RAD54B: variants seen among roughly 807,000 people sequenced by gnomAD.
RAD54B encodes RAD54 homolog B.
Under a neutral mutation model 95.8 loss-of-function variants are expected in RAD54B, and 78 were observed. The observed-to-expected ratio is 0.81, with a 90% CI of 0.68 to 0.98. RAD54B has a LOEUF of 0.98. Ranked by LOEUF, RAD54B falls within the 50% of genes least tolerant of loss-of-function variation. RAD54B has a pLI of 0.00. For synonymous variants in RAD54B, 328 were observed against 354.9 expected (o/e 0.92, Z 0.85); for missense variants, 957 against 1,056.6 (o/e 0.91, Z 1.31).
chr8:94,399,538 A>G lies in RAD54B; in HGVS notation c.1254T>C (p.Asp418=). 3 of 1,613,296 alleles carry G rather than the reference A, an allele frequency of 1.9e-6. No individual in the cohort carries two copies. Among genetic ancestry groups the G allele is most frequent in the Non-Finnish European group, 2.5e-6 (3 of 1,179,536 alleles). The change falls in exon 8 of 15, where the codon GAT becomes GAC. Residue 418 remains aspartate (D), a synonymous_variant. Coordinates refer to ENST00000336148, the MANE Select transcript of RAD54B (RefSeq NM_012415.3). The part of the protein sequence containing the change: ...ISYEMLLRSL[D]QIKNIKFDLL... ...GATCAAATTTTATATTCTTAATTTG[A>G]TCCAGGGAACGAAGTAACATTTCAT...
In RAD54B at chr8:94,378,563, G is replaced by C. The variant is rs759679204; in HGVS notation, c.2314+5C>G. On this transcript the variant is annotated splice_donor_5th_base_variant and intron_variant, in intron 13 of 14. Coordinates refer to ENST00000336148, the MANE Select transcript of RAD54B (RefSeq NM_012415.3). ...TACATTTTTGTCACACTGAAGGGTT[G>C]TTACCTGTAGTTAGGAGTCTGTAAA... 12 of 1,598,074 alleles carry C rather than the reference G, an allele frequency of 7.5e-6. No homozygotes were observed. The East Asian group carries it at 2.7e-4, about 36-fold the overall frequency.
At chr8:94,426,501 C>T (rs1563652183) in intron 3 of RAD54B, among the ~76,000 whole-genome samples, 1 of 151,954 alleles carries the variant, frequency 6.6e-6, no homozygotes, top group Non-Finnish European at 1.5e-5. Flanking sequence ...TATATTTATG[C>T]AATGGAATAC....
At chr8:94,381,841 C>T (rs926063958) in intron 11 of RAD54B, among the ~76,000 whole-genome samples, 3 of 152,048 alleles carry the variant, frequency 2.0e-5, no homozygotes, top group African/African-American at 7.2e-5. Flanking sequence ...AGGCCGGGCG[C>T]GGTGGCTCAA....
At chr8:94,473,106 T>C (rs1296258895) in intron 1 of RAD54B, among the ~76,000 whole-genome samples, 3 of 152,222 alleles carry the variant, frequency 2.0e-5, no homozygotes, top group African/African-American at 4.8e-5. Flanking sequence ...TGCACCCTTA[T>C]AGCTTTTTAA....
At chr8:94,450,580 G>A (rs1264859355) in intron 3 of RAD54B, among the ~76,000 whole-genome samples, 1 of 152,120 alleles carries the variant, frequency 6.6e-6, no homozygotes, top group African/African-American at 2.4e-5. Flanking sequence ...ATTCAAATAA[G>A]CACTTTTAAT....
At chr8:94,417,007 T>A (rs1811689161) in intron 3 of RAD54B, among the ~76,000 whole-genome samples, 1 of 152,172 alleles carries the variant, frequency 6.6e-6, no homozygotes, top group Non-Finnish European at 1.5e-5. Flanking sequence ...TGACAAAGGA[T>A]AAACAAAATG....
intron 3 of RAD54B, among the ~76,000 whole-genome samples, chr8:94,422,657 A>T: frequency 8.9e-6 from 1 of 112,724 alleles, no homozygotes; most frequent in South Asian, 3.1e-4. Context: ...TATATATAAA[A>T]TTATCAGTGT....
At chr8:94,384,760 T>G (rs374770307) in intron 11 of RAD54B, among the ~76,000 whole-genome samples, 3 of 152,184 alleles carry the variant, frequency 2.0e-5, no homozygotes, top group Non-Finnish European at 4.4e-5. Context: ...GTGCCACTTA[T>G]GAAAGTGTAG....
chr8:94,420,251 ATT>A lies in RAD54B; in HGVS notation c.305-8938_305-8937del, dbSNP rs57897762. Among the ~76,000 whole-genome samples, 471 of 116,976 alleles carry A rather than the reference ATT, an allele frequency of 4.0e-3. 1 individual carries two copies. Among genetic ancestry groups the A allele is most frequent in the African/African-American group, 0.013 (407 of 30,936 alleles). The allele number at this position is 116,976 out of a possible 152,430, so 76.7% of individuals were successfully genotyped here. On this transcript the variant is annotated intron_variant, in intron 3 of 14. Coordinates refer to ENST00000336148, the MANE Select transcript of RAD54B (RefSeq NM_012415.3). ...TAGTAAAAGCGCCAAAGAAAACTTG[ATT>A]TTTTTTTTTTTTTTTTTTTTTTAAG...
intron 2 of RAD54B, among the ~76,000 whole-genome samples, 174 bp from the exon 3 acceptor site, chr8:94,458,610 T>C (rs960739763): frequency 1.3e-5 from 2 of 152,236 alleles, no homozygotes; most frequent in Non-Finnish European, 2.9e-5. Context: ...CTCATGCCTG[T>C]AATCCCAACA....
intron 3 of RAD54B, among the ~76,000 whole-genome samples, chr8:94,449,383 G>A (rs60523486): frequency 0.075 from 11,463 of 151,974 alleles, 749 homozygotes; most frequent in African/African-American, 0.15. Context: ...AGAGACGGAC[G>A]GACCACATGA....
chr8:94,422,472 G>A (rs1045668727), intron 3 of RAD54B, among the ~76,000 whole-genome samples: 26 of 148,538 alleles, frequency 1.8e-4, no homozygotes, highest in Non-Finnish European at 3.4e-4. Flanking sequence ...CTGTAGTGCC[G>A]GCTACTTGGG....
rs35235038 is a variant in RAD54B, at chr8:94,399,499, G to A, written c.1293C>T (p.Asp431=). The A allele has an allele frequency of 3.4e-4, 541 of 1,613,468 alleles. 1 individual carries two copies. Among genetic ancestry groups the A allele is most frequent in the African/African-American group, 1.3e-3 (97 of 74,978 alleles). The change falls in exon 8 of 15, where the codon GAC becomes GAT. Residue 431 remains aspartate, a synonymous_variant. Transcript: ENST00000336148. ...CACTGTTCTTCAAACGATGCCCCTC[G>A]TCACAGATTAGAAGATCAAATTTTA... The part of the protein sequence containing the change: ...KNIKFDLLIC[D]EGHRLKNSAI...
At chr8:94,474,677 G>A (rs1267562996) in intron 1 of RAD54B, among the ~76,000 whole-genome samples, 1 of 151,778 alleles carries the variant, frequency 6.6e-6, no homozygotes, top group African/African-American at 2.4e-5. Flanking sequence ...GAGTGAGGGA[G>A]AGACCCAAAA....
At chr8:94,423,395 CAA>C (rs796843372) in intron 3 of RAD54B, among the ~76,000 whole-genome samples, 271 of 151,860 alleles carry the variant, frequency 1.8e-3, no homozygotes, top group African/African-American at 6.3e-3. Context: ...AACAAACAAA[CAA>C]AAAAAACTTG....
In RAD54B at chr8:94,400,283, T is replaced by C. The variant is rs1316412423; in HGVS notation, c.1125A>G (p.Gln375=). ...SLVNNWKKEF[Q]KWLGSERIKI... is the part of the protein sequence containing the mutation. Reference sequence around the variant, plus strand: ...TGATCCTTTCACTTCCTAGCCATTTTTGAAATTCTTTCTTCCAATTATTCA... The same window carrying C: ...TGATCCTTTCACTTCCTAGCCATTTCTGAAATTCTTTCTTCCAATTATTCA... Residue 375 remains glutamine (Q), a synonymous_variant, in exon 7 of 15, where the codon CAA becomes CAG. Coordinates refer to ENST00000336148, the MANE Select transcript of RAD54B (RefSeq NM_012415.3). 6 of 1,613,862 alleles carry C rather than the reference T, an allele frequency of 3.7e-6. No individual in the cohort carries two copies. Among genetic ancestry groups the C allele is most frequent in the African/African-American group, 1.3e-5 (1 of 75,050 alleles).
intron 3 of RAD54B, among the ~76,000 whole-genome samples, chr8:94,452,719 G>T (rs1199538085): frequency 6.6e-6 from 1 of 152,000 alleles, no homozygotes; most frequent in Non-Finnish European, 1.5e-5. Flanking sequence ...GGATGGTCTC[G>T]ATCTCCTGAC....
chr8:94,437,002 G>T, intron 3 of RAD54B: 2 of 1,386,290 alleles, frequency 1.4e-6, no homozygotes, highest in Non-Finnish European at 1.9e-6. Flanking sequence ...TACAGGGGAG[G>T]GTTTATTAAA....
At chr8:94,401,525 G>A (rs1811268443) in intron 6 of RAD54B, among the ~76,000 whole-genome samples, 1 of 152,028 alleles carries the variant, frequency 6.6e-6, no homozygotes, top group African/African-American at 2.4e-5. Flanking sequence ...TAAATTGAGT[G>A]TTTATGTTAT....
Sources: allele counts gnomAD v4.1 joint callset (sites outside exome capture counted in the v4.1 genomes callset), GRCh38; gene constraint gnomAD v4.1.1; transcripts MANE v1.5; gene names NCBI Gene and HGNC (gene_info 2026-07-23, HGNC 2026-07-21).